CHCHD6: variants seen among roughly 807,000 people sequenced by gnomAD.
CHCHD6 encodes coiled-coil-helix-coiled-coil-helix domain containing 6.
A neutral mutation model predicts 32.3 loss-of-function variants in CHCHD6; 28 were observed. That is an observed-to-expected ratio of 0.87 (90% CI 0.64 to 1.19). CHCHD6 has a LOEUF of 1.19. Among genes scored for constraint, CHCHD6 ranks in the 50% most tolerant of loss-of-function variants. CHCHD6 has a pLI of 0.00. For synonymous variants in CHCHD6, 122 were observed against 117.5 expected, an observed-to-expected ratio of 1.04 and a Z score of -0.25; for missense variants, 333 against 307.0, an observed-to-expected ratio of 1.08 and a Z score of -0.63.
intron 5 of CHCHD6, among the ~76,000 whole-genome samples, chr3:126,863,101 ACCTCCT>A (rs545144605): frequency 1.3e-4 from 2 of 15,000 alleles, no homozygotes; most frequent in Admixed American, 6.8e-4. Flanking sequence ...CACCATCACC[ACCTCCT>A]CCTCCTCCTC....
chr3:126,871,307 G>A (rs1482243405), intron 5 of CHCHD6, among the ~76,000 whole-genome samples: 3 of 152,100 alleles, frequency 2.0e-5, no homozygotes, highest in Non-Finnish European at 4.4e-5. Context: ...AAGGATCAGC[G>A]TGTCTGCACC....
At chr3:126,877,825 G>A (rs1191500046) in intron 5 of CHCHD6, among the ~76,000 whole-genome samples, 3 of 152,230 alleles carry the variant, frequency 2.0e-5, no homozygotes, top group Non-Finnish European at 4.4e-5. Context: ...TTGGCGGAAG[G>A]TACATGGGAT....
At chr3:126,707,046 C>T (rs917704683) in intron 1 of CHCHD6, among the ~76,000 whole-genome samples, 2 of 152,070 alleles carry the variant, frequency 1.3e-5, no homozygotes, top group African/African-American at 2.4e-5. Context: ...GTGGGCAGAT[C>T]ACCTGAGGTC....
intron 6 of CHCHD6, among the ~76,000 whole-genome samples, chr3:126,940,512 C>G (rs1465601881): frequency 6.6e-6 from 1 of 152,110 alleles, no homozygotes; most frequent in Non-Finnish European, 1.5e-5. Flanking sequence ...TGACAGACAG[C>G]CTTATTTGTG....
chr3:126,946,518 C>T (rs2078641747), intron 6 of CHCHD6, among the ~76,000 whole-genome samples: 1 of 152,176 alleles, frequency 6.6e-6, no homozygotes, highest in African/African-American at 2.4e-5. Flanking sequence ...TCTCGCAAGC[C>T]TCAGCTCTCA....
intron 6 of CHCHD6, among the ~76,000 whole-genome samples, chr3:126,927,177 GGAGGTGGCTAGA>G (rs1217771208): frequency 1.3e-5 from 2 of 152,186 alleles, no homozygotes; most frequent in Non-Finnish European, 2.9e-5. Flanking sequence ...GGGCCCTGAG[GGAGGTGGCTAGA>G]GAGGTGGCTG....
intron 1 of CHCHD6, among the ~76,000 whole-genome samples, chr3:126,708,650 G>GAAAAAA (rs552128932): frequency 4.4e-5 from 4 of 90,980 alleles, no homozygotes; most frequent in Non-Finnish European, 7.2e-5. Flanking sequence ...CCCATCTCTT[G>GAAAAAA]AAAAAAAAAA....
intron 5 of CHCHD6, among the ~76,000 whole-genome samples, chr3:126,863,178 C>T: frequency 7.2e-6 from 1 of 139,540 alleles, no homozygotes; most frequent in Admixed American, 7.0e-5. Context: ...CCATCACCAC[C>T]TCCCCCTCCT....
chr3:126,748,245 A>T (rs1176465408), intron 4 of CHCHD6, among the ~76,000 whole-genome samples: 1 of 152,116 alleles, frequency 6.6e-6, no homozygotes, highest in South Asian at 2.1e-4. Context: ...TTGGAATCAC[A>T]GTGGTAGTCA....
intron 4 of CHCHD6, among the ~76,000 whole-genome samples, chr3:126,784,166 C>T (rs1236583780): frequency 6.6e-6 from 1 of 152,160 alleles, no homozygotes; most frequent in Non-Finnish European, 1.5e-5. Context: ...TCCCCACCGC[C>T]TCATGGTTTT....
intron 4 of CHCHD6, among the ~76,000 whole-genome samples, chr3:126,777,750 T>A (rs1937718908): frequency 6.6e-6 from 1 of 152,242 alleles, no homozygotes; most frequent in South Asian, 2.1e-4. Flanking sequence ...TAAAGAAAAC[T>A]GGTTTTATTT....
At chr3:126,901,379 C>T (rs992559883) in intron 5 of CHCHD6, among the ~76,000 whole-genome samples, 2 of 152,184 alleles carry the variant, frequency 1.3e-5, no homozygotes, top group East Asian at 1.9e-4. Flanking sequence ...TTAGGTTACT[C>T]ATCAGTCCTG....
chr3:126,951,176 C>T (rs2078710488), intron 6 of CHCHD6, among the ~76,000 whole-genome samples: 1 of 152,200 alleles, frequency 6.6e-6, no homozygotes, highest in Admixed American at 6.5e-5. Flanking sequence ...CGCTTTGCAT[C>T]TCTGTCTCAC....
At chr3:126,809,457 G>A (rs1021070766) in intron 4 of CHCHD6, among the ~76,000 whole-genome samples, 7 of 152,154 alleles carry the variant, frequency 4.6e-5, no homozygotes, top group African/African-American at 1.7e-4. Flanking sequence ...AAATTTTACT[G>A]TGTAAAGCTC....
chr3:126,902,065 C>T (rs1341685845), intron 5 of CHCHD6, among the ~76,000 whole-genome samples: 2 of 152,232 alleles, frequency 1.3e-5, no homozygotes, highest in Non-Finnish European at 2.9e-5. Flanking sequence ...AGGATTTAAA[C>T]TCAGGTCTCC....
At chr3:126,704,507 G>T in intron 1 of CHCHD6, 108 bp downstream of exon 1, 1 of 658,868 alleles carries the variant, frequency 1.5e-6, no homozygotes, top group South Asian at 3.0e-5. Context: ...AGGGGCGTGG[G>T]GCTTGGGAGA....
intron 4 of CHCHD6, among the ~76,000 whole-genome samples, chr3:126,734,124 T>C (rs1935936817): frequency 6.6e-6 from 1 of 152,194 alleles, no homozygotes; most frequent in Non-Finnish European, 1.5e-5. Context: ...AGAATTCCTC[T>C]TACATCACAC....
chr3:126,873,051 C>T lies in CHCHD6; in HGVS notation c.495+20321C>T, dbSNP rs1009828041. ...GCTGCTTTTGCTACTTCCTTGAACA[C>T]GGCTGGTCGTAAATATCCACTGTCA... On this transcript the variant is annotated intron_variant, in intron 5 of 7. Coordinates refer to ENST00000290913, the MANE Select transcript of CHCHD6 (RefSeq NM_032343.3). Among the ~76,000 whole-genome samples, 7 of 152,330 alleles carry T rather than the reference C, an allele frequency of 4.6e-5. No homozygotes were observed. In the South Asian group the frequency reaches 6.2e-4, roughly 14 times the overall value.
intron 5 of CHCHD6, among the ~76,000 whole-genome samples, chr3:126,891,641 T>C (rs2077760926): frequency 1.3e-5 from 2 of 151,868 alleles, no homozygotes; most frequent in South Asian, 2.1e-4. Context: ...CATTAGGAGG[T>C]GGCTGTTTAG....
Sources: allele counts gnomAD v4.1 joint callset (sites outside exome capture counted in the v4.1 genomes callset), GRCh38; gene constraint gnomAD v4.1.1; transcripts MANE v1.5; gene names NCBI Gene and HGNC (gene_info 2026-07-23, HGNC 2026-07-21).